The following KAT6B variants were observed in gnomAD, a reference collection of about 807,000 sequenced individuals.
The protein encoded by KAT6B is lysine acetyltransferase 6B, also known as histone acetyltransferase KAT6B.
Under a neutral mutation model 187.5 loss-of-function variants are expected in KAT6B, and 10 were observed. The observed-to-expected ratio is 0.05, with a 90% CI of 0.03 to 0.09. The LOEUF (loss-of-function observed/expected upper bound fraction) is 0.09, where lower values mean the gene tolerates loss of function less well. KAT6B is among the 10% of genes least tolerant of loss of function. The pLI, the probability that KAT6B is intolerant of heterozygous loss-of-function variation, is 1.00. For synonymous variants in KAT6B, 861 were observed against 926.8 expected (o/e 0.93, Z 1.29); for missense variants, 1,952 against 2,558.9 (o/e 0.76, Z 5.12).
chr10:74,928,723 C>A (rs982008267), intron 3 of KAT6B, among the ~76,000 whole-genome samples: 1 of 152,026 alleles, frequency 6.6e-6, no homozygotes, highest in Non-Finnish European at 1.5e-5. Flanking sequence ...GGTTTTATAA[C>A]CCTTTTCTTG....
chr10:74,849,369 C>T lies in KAT6B; in HGVS notation c.621+5891C>T, dbSNP rs559553755. On this transcript the variant is annotated intron_variant, in intron 3 of 17. Coordinates refer to ENST00000287239, the MANE Select transcript of KAT6B (RefSeq NM_012330.4). ...AGTACGCTGGTGCCATCTCAGCTCA[C>T]TGCAACCTCCGCCTCCCAGTTCAAG... Among the ~76,000 whole-genome samples, 14 of 151,938 alleles carry T rather than the reference C, an allele frequency of 9.2e-5. No homozygotes were observed. The East Asian group carries it at 1.6e-3, about 17-fold the overall frequency.
rs1842418290 is a variant in KAT6B, at chr10:74,850,618, A to G, written c.621+7140A>G. On this transcript the variant is annotated intron_variant, in intron 3 of 17. Coordinates refer to ENST00000287239, the MANE Select transcript of KAT6B (RefSeq NM_012330.4). ...ATGGAAATGAATTAAACCACTGAAG[A>G]TAAAACTTTATCTTTGACTTGGTGA... is the stretch of plus-strand genomic sequence containing the variant. Among the ~76,000 whole-genome samples the G allele has an allele frequency of 3.3e-5, 5 of 152,370 alleles. No individual in the cohort carries two copies. In the South Asian group the frequency reaches 1.0e-3, roughly 32 times the overall value.
chr10:74,979,326 C>A lies in KAT6B; in HGVS notation c.2218C>A (p.Gln740Lys), dbSNP rs1842362989. 2 of 1,603,424 alleles carry A rather than the reference C, an allele frequency of 1.2e-6. No homozygotes were observed. Among genetic ancestry groups the A allele is most frequent in the African/African-American group, 1.3e-5 (1 of 74,700 alleles). ...IQTWYSSPYP[Q>K]EYARLPKLYL... Reference sequence around the variant, plus strand: ...AACCTGGTACTCCTCGCCTTACCCACAGGAATATGCAAGGTAATGGAATAA... The same window carrying A: ...AACCTGGTACTCCTCGCCTTACCCAAAGGAATATGCAAGGTAATGGAATAA... Residue 740 changes from glutamine to lysine, a missense_variant, in exon 10 of 18, where the codon CAG (glutamine) becomes AAG (lysine). Transcript: ENST00000287239.
intron 3 of KAT6B, among the ~76,000 whole-genome samples, chr10:74,917,706 C>T (rs1847796051): frequency 6.6e-6 from 1 of 152,186 alleles, no homozygotes; most frequent in Admixed American, 6.5e-5. Flanking sequence ...CACTGAATAA[C>T]AGTGTTGAGG....
In KAT6B at chr10:75,029,151, G is replaced by A; in HGVS notation, c.4327G>A (p.Glu1443Lys). 1 of 1,614,136 alleles carries A rather than the reference G, an allele frequency of 6.2e-7. No homozygotes were observed. The highest frequency in any genetic ancestry group is 1.3e-5 in the African/African-American group (1 of 75,012). The part of the protein sequence containing the change: ...HMESAEVEKE[E>K]LPRESFKEVL... ...GGAGTCTGCCGAAGTGGAGAAGGAA[G>A]AGCTGCCCAGAGAAAGCTTCAAAGA... Residue 1443 changes from glutamate to lysine, a missense_variant, in exon 18 of 18, where the codon GAG (glutamate) becomes AAG (lysine). By Grantham distance (56) the Glu-to-Lys change is moderately conservative. Around this residue, in one of 9 missense-constraint regions of KAT6B, gnomAD observed 758 missense variants for 891.4 expected, o/e 0.85. Coordinates refer to ENST00000287239, the MANE Select transcript of KAT6B (RefSeq NM_012330.4). This position sits in a 1 kb window ranked among gnomAD's most constrained non-coding sequence, Gnocchi z 6.2.
intron 3 of KAT6B, among the ~76,000 whole-genome samples, chr10:74,869,021 A>C (rs1202907457): frequency 1.3e-5 from 2 of 152,220 alleles, no homozygotes; most frequent in African/African-American, 4.8e-5. Flanking sequence ...GATTAAACTG[A>C]AAATGCTCAA....
At chr10:74,865,909 C>T (rs1014482461) in intron 3 of KAT6B, among the ~76,000 whole-genome samples, 7 of 152,154 alleles carry the variant, frequency 4.6e-5, no homozygotes, top group Non-Finnish European at 8.8e-5. Context: ...ACAGTTGACC[C>T]TTGAACAACA....
intron 13 of KAT6B, among the ~76,000 whole-genome samples, chr10:75,005,192 C>T (rs558280042): frequency 1.3e-5 from 2 of 151,786 alleles, no homozygotes; most frequent in South Asian, 4.2e-4. Flanking sequence ...TTACCCCTCT[C>T]ATGATGGCAT....
intron 3 of KAT6B, among the ~76,000 whole-genome samples, chr10:74,917,582 A>T (rs1215597312): frequency 6.6e-6 from 1 of 152,236 alleles, no homozygotes; most frequent in African/African-American, 2.4e-5. Context: ...AATGGATGAG[A>T]CATGGCCCTT....
chr10:74,969,664 C>T lies in KAT6B; in HGVS notation c.735C>T (p.His245=), dbSNP rs1229990214. The change falls in exon 5 of 18, where the codon CAC becomes CAT. Residue 245 remains histidine, a synonymous_variant. Transcript: ENST00000287239. ...ATTTGCTTTTTATTCTCATAGGACACCCATCCTGTTTGAAATTTTGTCCTG... is the reference window on the plus strand; with the variant it reads ...ATTTGCTTTTTATTCTCATAGGACATCCATCCTGTTTGAAATTTTGTCCTG... ...LSCADCGSSG[H]PSCLKFCPEL... is the part of the protein sequence containing the mutation. 1.4e-5 allele frequency: 22 copies of T among 1,604,470 alleles called. No individual in the cohort carries two copies. Among genetic ancestry groups the T allele is most frequent in the Non-Finnish European group, 1.7e-5 (20 of 1,171,420 alleles).
At chr10:74,996,020 G>A (rs1843409832) in intron 13 of KAT6B, among the ~76,000 whole-genome samples, 1 of 152,212 alleles carries the variant, frequency 6.6e-6, no homozygotes, top group African/African-American at 2.4e-5. Context: ...TTCAGCAGTA[G>A]GTGAGAGAAC....
At chr10:74,826,285 T>C (rs1358672270), upstream of KAT6B, among the ~76,000 whole-genome samples, 1 of 151,708 alleles carries the variant, frequency 6.6e-6, no homozygotes, top group Non-Finnish European at 1.5e-5. Flanking sequence ...GCGCGGTATC[T>C]AGGAGAGAGA....
At chr10:75,014,034 G>T (rs912887771) in intron 13 of KAT6B, among the ~76,000 whole-genome samples, 1 of 152,178 alleles carries the variant, frequency 6.6e-6, no homozygotes, top group Non-Finnish European at 1.5e-5. Flanking sequence ...ATGGTTCAGG[G>T]AGTCTACAAG....
chr10:74,929,481 G>A (rs955236712), intron 3 of KAT6B, among the ~76,000 whole-genome samples: 2 of 152,132 alleles, frequency 1.3e-5, no homozygotes, highest in African/African-American at 4.8e-5. Context: ...TGCCACCAGT[G>A]TATTATTTAT....
In KAT6B at chr10:74,880,423, C is replaced by T. The variant is rs1053400049; in HGVS notation, c.621+36945C>T. On this transcript the variant is annotated intron_variant, in intron 3 of 17. Transcript: ENST00000287239. ...TGTATCAGTACTTCATTCTTTATAA[C>T]TGCCAAATAATAGTTCTTTGTATGG... 3.3e-5 allele frequency among the ~76,000 whole-genome samples: 5 copies of T among 152,220 alleles called. No homozygotes were observed. The East Asian group carries it at 7.7e-4, about 23-fold the overall frequency.
Position 75,028,920 on chromosome 10 carries a change from GAAGA to G in KAT6B, c.4097_4100del (p.Glu1366GlyfsTer12), listed in dbSNP as rs1846093924. The G allele has an allele frequency of 6.2e-7, 1 of 1,612,046 alleles. No homozygotes were observed. The highest frequency in any genetic ancestry group is 1.1e-5 in the South Asian group (1 of 90,920). ...GGAGGAGGAAGAGGAAGAAGAGGAAGAAGAGGAAGGGGAAGAAGAAGAAGGAGGA... is the reference window on the plus strand; with the variant it reads ...GGAGGAGGAAGAGGAAGAAGAGGAAGGGAAGGGGAAGAAGAAGAAGGAGGA... On this transcript the variant is annotated frameshift_variant, in exon 18 of 18. Coordinates refer to ENST00000287239, the MANE Select transcript of KAT6B (RefSeq NM_012330.4). LOFTEE classifies it high-confidence loss of function.
intron 10 of KAT6B, among the ~76,000 whole-genome samples, chr10:74,981,339 CTTTCTTCCTTTCT>C (rs1385430036): frequency 6.8e-6 from 1 of 147,680 alleles, no homozygotes; most frequent in Non-Finnish European, 1.5e-5. Context: ...TCCTTCCTTC[CTTTCTTCCTTTCT>C]TTCCTTTCTT....
chr10:74,886,927 A>T (rs1355456185), intron 3 of KAT6B, among the ~76,000 whole-genome samples: 1 of 152,154 alleles, frequency 6.6e-6, no homozygotes, highest in Admixed American at 6.5e-5. Context: ...AGGTTTGGAC[A>T]GGCTGGGCAG....
Position 74,976,317 on chromosome 10 carries a change from T to A in KAT6B, c.1980T>A (p.Pro660=). The A allele has an allele frequency of 6.2e-7, 1 of 1,612,880 alleles. No homozygotes were observed. Among genetic ancestry groups the A allele is most frequent in the Non-Finnish European group, 8.5e-7 (1 of 1,179,914 alleles). ...KGSLTDGRIK[P]DQDDDTEIKI... is the part of the protein sequence containing the mutation. The stretch of plus-strand genomic sequence containing the variant: ...GCTTGACAGACGGAAGGATTAAACC[T>A]GATCAGGATGATGGTAAGCAAAAGG... The change falls in exon 8 of 18, where the codon CCT becomes CCA. Residue 660 remains proline, a synonymous_variant. Transcript: ENST00000287239.
Sources: gnomAD v4.1 joint callset for allele counts (sites outside exome capture counted in the v4.1 genomes callset) on GRCh38, gnomAD v4.1.1 for gene constraint, gnomAD v4.1.1 regional missense constraint, Gnocchi (gnomAD v3.1) non-coding constraint, MANE v1.5 for transcripts, NCBI Gene and HGNC (gene_info 2026-07-23, HGNC 2026-07-21) for gene names.